The following CSMD1 variants were observed in gnomAD, a reference collection of about 807,000 sequenced individuals.
CSMD1 encodes CUB and sushi domain-containing protein 1.
In CSMD1, 213 loss-of-function variants were observed where a neutral mutation model predicts 417.5. The observed-to-expected ratio is 0.51, with a 90% confidence interval of 0.46 to 0.57. The LOEUF is 0.57. Among genes scored for constraint, CSMD1 ranks in the 20% least tolerant of loss-of-function variants. The probability of loss-of-function intolerance (pLI) is 0.00; values close to 1 mark genes in which losing one functional copy is unlikely to be tolerated. For synonymous variants in CSMD1, 2,862 were observed against 1,736.8 expected (o/e 1.65, Z -16.11); for missense variants, 6,923 against 4,529.7 (o/e 1.53, Z -15.17).
chr8:4,117,674 T>C (rs1447092406), intron 3 of CSMD1, among the ~76,000 whole-genome samples: 1 of 152,162 alleles, frequency 6.6e-6, no homozygotes, highest in Non-Finnish European at 1.5e-5. Context: ...ATAGACAGAC[T>C]GTATACCTGA....
intron 3 of CSMD1, among the ~76,000 whole-genome samples, chr8:4,179,573 C>T (rs1168255030): frequency 6.6e-6 from 1 of 151,134 alleles, no homozygotes; most frequent in Admixed American, 6.6e-5. Flanking sequence ...ACAAAATTGA[C>T]AAATGGAATC....
intron 10 of CSMD1, among the ~76,000 whole-genome samples, chr8:3,547,532 A>G (rs1385205427): frequency 6.6e-6 from 1 of 152,180 alleles, no homozygotes; most frequent in Non-Finnish European, 1.5e-5. Flanking sequence ...AAATAAGAAA[A>G]TATTTTTCCA....
At chr8:4,488,397 G>C (rs575888080) in intron 2 of CSMD1, among the ~76,000 whole-genome samples, 1 of 151,984 alleles carries the variant, frequency 6.6e-6, no homozygotes, top group Non-Finnish European at 1.5e-5. Flanking sequence ...AATAACCTGT[G>C]GGGGGCTTGA....
At chr8:3,785,924 G>C (rs113537925) in intron 5 of CSMD1, among the ~76,000 whole-genome samples, 1 of 152,202 alleles carries the variant, frequency 6.6e-6, no homozygotes, top group South Asian at 2.1e-4. Context: ...ACCATTCTTG[G>C]AGCCGAGGAA....
chr8:3,178,260 T>C (rs1821065503), intron 37 of CSMD1, among the ~76,000 whole-genome samples: 1 of 152,140 alleles, frequency 6.6e-6, no homozygotes, highest in African/African-American at 2.4e-5. Flanking sequence ...TTGGATGTAC[T>C]ATGGTTAAGG....
intron 46 of CSMD1, among the ~76,000 whole-genome samples, chr8:3,103,458 T>C (rs556601374): frequency 8.0e-4 from 122 of 152,162 alleles, no homozygotes; most frequent in Non-Finnish European, 1.4e-3. Context: ...CTGAAGACTG[T>C]AGGCAACTGG....
At chr8:3,840,931 T>C (rs1360013347) in intron 5 of CSMD1, among the ~76,000 whole-genome samples, 13 of 152,028 alleles carry the variant, frequency 8.6e-5, no homozygotes, top group African/African-American at 2.9e-4. Context: ...GGTCTCGAAC[T>C]CCTGAACTCA....
intron 5 of CSMD1, among the ~76,000 whole-genome samples, chr8:3,830,016 G>C (rs891029544): frequency 6.6e-6 from 1 of 152,146 alleles, no homozygotes; most frequent in African/African-American, 2.4e-5. Context: ...AACAAGGTAA[G>C]TGGATTTCAG....
At chr8:4,166,969 G>T (rs910359094) in intron 3 of CSMD1, among the ~76,000 whole-genome samples, 2 of 152,194 alleles carry the variant, frequency 1.3e-5, no homozygotes, top group Admixed American at 6.5e-5. Context: ...CATGCTGAAG[G>T]CACTGTGCTT....
chr8:4,453,912 C>T (rs535381729), intron 2 of CSMD1, among the ~76,000 whole-genome samples: 31 of 149,682 alleles, frequency 2.1e-4, no homozygotes, highest in Admixed American at 1.1e-3. Context: ...AGCTCCGCCT[C>T]CCAGGTTCAC....
intron 2 of CSMD1, among the ~76,000 whole-genome samples, chr8:4,519,144 T>C (rs145346596): frequency 6.6e-6 from 1 of 152,274 alleles, no homozygotes; most frequent in African/African-American, 2.4e-5. Flanking sequence ...ACATTTTGCA[T>C]TAATGTGTTA....
At chr8:4,860,054 T>C (rs1184303514) in intron 1 of CSMD1, among the ~76,000 whole-genome samples, 1 of 151,960 alleles carries the variant, frequency 6.6e-6, no homozygotes, top group Non-Finnish European at 1.5e-5. Context: ...ATGTGGCACG[T>C]ATACACCATG....
chr8:4,235,155 G>C (rs1228195695), intron 3 of CSMD1, among the ~76,000 whole-genome samples: 1 of 151,732 alleles, frequency 6.6e-6, no homozygotes, highest in Non-Finnish European at 1.5e-5. Flanking sequence ...TCCACCCACA[G>C]TGTGTGTGAT....
chr8:4,349,401 A>G (rs1800957909), intron 3 of CSMD1, among the ~76,000 whole-genome samples: 1 of 152,192 alleles, frequency 6.6e-6, no homozygotes, highest in Non-Finnish European at 1.5e-5. Context: ...GGCAGAGGAA[A>G]TATTATCACC....
chr8:3,962,961 G>T (rs750908765), intron 5 of CSMD1, among the ~76,000 whole-genome samples: 1 of 151,882 alleles, frequency 6.6e-6, no homozygotes, highest in Non-Finnish European at 1.5e-5. Context: ...TTTTTAGATG[G>T]ACTCTTGCTC....
intron 2 of CSMD1, among the ~76,000 whole-genome samples, chr8:4,574,694 G>C (rs1485501661): frequency 2.6e-5 from 4 of 152,112 alleles, no homozygotes; most frequent in Non-Finnish European, 5.9e-5. Context: ...CAGATATGTG[G>C]GGAAAACTGT....
intron 3 of CSMD1, among the ~76,000 whole-genome samples, chr8:4,151,497 G>C (rs1323881598): frequency 6.6e-6 from 1 of 152,152 alleles, no homozygotes; most frequent in Non-Finnish European, 1.5e-5. Flanking sequence ...ATACAGAAGT[G>C]AACCAAATGG....
intron 42 of CSMD1, among the ~76,000 whole-genome samples, chr8:3,114,054 AAAACAAAC>A (rs139727872): frequency 1.4e-3 from 214 of 150,738 alleles, no homozygotes; most frequent in Non-Finnish European, 2.7e-3. Context: ...CCCATCTATT[AAAACAAAC>A]AAACAAACAA....
At chr8:3,807,093 G>C (rs1800783547) in intron 5 of CSMD1, among the ~76,000 whole-genome samples, 1 of 152,096 alleles carries the variant, frequency 6.6e-6, no homozygotes, top group Admixed American at 6.5e-5. Flanking sequence ...CCCACGCACT[G>C]GGGGAAGGTT....
Sources: allele counts gnomAD v4.1 joint callset (sites outside exome capture counted in the v4.1 genomes callset), GRCh38; gene constraint gnomAD v4.1.1; transcripts MANE v1.5; gene names NCBI Gene and HGNC (gene_info 2026-07-23, HGNC 2026-07-21).